Variants in UNC13C observed in about 807,000 individuals in gnomAD.
UNC13C encodes unc-13 homolog C.
Under a neutral mutation model 245.4 loss-of-function variants are expected in UNC13C, and 174 were observed. That is an observed-to-expected ratio of 0.71 (90% confidence interval 0.63 to 0.80). UNC13C has a LOEUF of 0.80. UNC13C is among the 30% of genes least tolerant of loss of function. The pLI is 0.00. For synonymous variants in UNC13C, 992 were observed against 895.1 expected (o/e 1.11, Z -1.93); for missense variants, 2,829 against 2,602.9 (o/e 1.09, Z -1.89).
the UNC13C span, among the ~76,000 whole-genome samples, chr15:53,889,627 T>A: frequency 6.6e-6 from 1 of 152,238 alleles, no homozygotes; most frequent in Non-Finnish European, 1.5e-5. Context: ...CCTTGTCTTG[T>A]GCTGGTTTTC....
chr15:54,090,079 C>A (rs1899480682), intron 2 of UNC13C, among the ~76,000 whole-genome samples: 1 of 152,166 alleles, frequency 6.6e-6, no homozygotes, highest in Non-Finnish European at 1.5e-5. Flanking sequence ...GCTTACATTT[C>A]TTTCTCCGAA....
chr15:53,844,100 G>A, the UNC13C span, among the ~76,000 whole-genome samples: 1 of 152,160 alleles, frequency 6.6e-6, no homozygotes, highest in African/African-American at 2.4e-5. Flanking sequence ...GTGAATCCCA[G>A]AGCATACGTA....
intron 7 of UNC13C, among the ~76,000 whole-genome samples, chr15:54,243,535 C>A (rs2035915565): frequency 6.6e-6 from 1 of 152,066 alleles, no homozygotes; most frequent in Non-Finnish European, 1.5e-5. Flanking sequence ...GGTATTTCTG[C>A]CTCTAGATCT....
At position 54,578,706 on chromosome 15, in the gene UNC13C, A is replaced by AG. The variant is rs556364926; in HGVS notation, c.6106+10762dup. ...AGAACAGCCCTCTAAAGTCAGACAGAGGGCCAGCACCATGGCTCACGCCTG... is the reference window on the plus strand; with the variant it reads ...AGAACAGCCCTCTAAAGTCAGACAGAGGGGCCAGCACCATGGCTCACGCCTG... On this transcript the variant is annotated intron_variant, in intron 30 of 32. Coordinates refer to ENST00000260323, the MANE Select transcript of UNC13C (RefSeq NM_001080534.3). Among the ~76,000 whole-genome samples the AG allele has an allele frequency of 1.5e-4, 23 of 152,326 alleles. No homozygotes were observed. The South Asian group carries it at 4.8e-3, about 32-fold the overall frequency.
At chr15:54,096,062 T>C (rs937377489) in intron 2 of UNC13C, among the ~76,000 whole-genome samples, 11 of 152,154 alleles carry the variant, frequency 7.2e-5, no homozygotes, top group African/African-American at 2.7e-4. Flanking sequence ...ATGGGGGCAA[T>C]ACCAAGGAAG....
At chr15:53,894,950 A>G in the UNC13C span, among the ~76,000 whole-genome samples, 8 of 152,102 alleles carry the variant, frequency 5.3e-5, no homozygotes, top group Admixed American at 3.9e-4. Flanking sequence ...TCCACATAGT[A>G]TTATATTGAT....
At chr15:54,147,806 G>GTGTT (rs2032343024) in intron 4 of UNC13C, among the ~76,000 whole-genome samples, 1 of 151,916 alleles carries the variant, frequency 6.6e-6, no homozygotes, top group African/African-American at 2.4e-5. Flanking sequence ...GTGTGTGTGT[G>GTGTT]TGTGTATGTG....
chr15:54,622,134 G>A (rs917822983), intron 30 of UNC13C, among the ~76,000 whole-genome samples, 193 bp from the exon 31 acceptor site: 1 of 152,164 alleles, frequency 6.6e-6, no homozygotes, highest in Non-Finnish European at 1.5e-5. Flanking sequence ...GTTCAATGGG[G>A]TAATTATTAC....
chr15:54,511,036 C>T (rs1894715115), intron 23 of UNC13C, among the ~76,000 whole-genome samples: 1 of 152,038 alleles, frequency 6.6e-6, no homozygotes, highest in Admixed American at 6.6e-5. Context: ...ATATGTACAC[C>T]ACTGTGCAGT....
At chr15:54,599,970 T>C (rs376644213) in intron 30 of UNC13C, among the ~76,000 whole-genome samples, 1 of 152,130 alleles carries the variant, frequency 6.6e-6, no homozygotes, top group Non-Finnish European at 1.5e-5. Context: ...CTTCTTCTCT[T>C]GCTTTTGTAG....
In UNC13C at chr15:54,422,727, C is replaced by T. The variant is rs541006353; in HGVS notation, c.4933+7660C>T. On this transcript the variant is annotated intron_variant, in intron 19 of 32. Coordinates refer to ENST00000260323, the MANE Select transcript of UNC13C (RefSeq NM_001080534.3). The stretch of plus-strand genomic sequence containing the variant: ...TCAAGTCTCATTTCATGGTCACCTT[C>T]GTTCACAACCCTACCCTGACCATCC... Among the ~76,000 whole-genome samples, 12 of 151,904 alleles carry T rather than the reference C, an allele frequency of 7.9e-5. No individual in the cohort carries two copies. In the East Asian group the frequency reaches 2.3e-3, roughly 30 times the overall value.
At chr15:54,190,269 AT>A in intron 4 of UNC13C, among the ~76,000 whole-genome samples, 1 of 151,842 alleles carries the variant, frequency 6.6e-6, no homozygotes, top group African/African-American at 2.4e-5. Flanking sequence ...TTCTTTTTTT[AT>A]TTTTTTTGCT....
intron 2 of UNC13C, among the ~76,000 whole-genome samples, chr15:54,108,807 G>A (rs968608215): frequency 1.3e-5 from 2 of 152,128 alleles, no homozygotes; most frequent in Non-Finnish European, 1.5e-5. Flanking sequence ...CTCTCTCTTG[G>A]TTGATTTCAT....
chr15:54,138,922 T>C (rs2031868679), intron 2 of UNC13C, among the ~76,000 whole-genome samples: 1 of 147,918 alleles, frequency 6.8e-6, no homozygotes, highest in South Asian at 2.2e-4. Flanking sequence ...TTGATATTAT[T>C]GTGTGTGCAT....
At chr15:54,322,716 C>A (rs1480558287) in intron 14 of UNC13C, among the ~76,000 whole-genome samples, 1 of 151,960 alleles carries the variant, frequency 6.6e-6, no homozygotes, top group East Asian at 1.9e-4. Context: ...TCTTTCTCTG[C>A]AAGTATACTG....
intron 2 of UNC13C, among the ~76,000 whole-genome samples, chr15:54,084,799 A>G (rs2141124296): frequency 1.3e-5 from 2 of 152,350 alleles, no homozygotes; most frequent in South Asian, 4.1e-4. Context: ...CATATAGATG[A>G]GATCCTAATG....
chr15:54,588,608 G>A (rs377059418), intron 30 of UNC13C, among the ~76,000 whole-genome samples: 36 of 151,978 alleles, frequency 2.4e-4, no homozygotes, highest in African/African-American at 7.7e-4. Context: ...TATACACTGC[G>A]CCATATTTCT....
At position 54,176,954 on chromosome 15, in the gene UNC13C, G is replaced by A. The variant is rs147616648; in HGVS notation, c.3071+33270G>A. ...AATATTCTTTATCATGGGAACACCAGTAGCATTGAGATTGATGTTATCAAA... is the reference window on the plus strand; with the variant it reads ...AATATTCTTTATCATGGGAACACCAATAGCATTGAGATTGATGTTATCAAA... On this transcript the variant is annotated intron_variant, in intron 4 of 32. Coordinates refer to ENST00000260323, the MANE Select transcript of UNC13C (RefSeq NM_001080534.3). 4.6e-3 allele frequency among the ~76,000 whole-genome samples: 699 copies of A among 152,160 alleles called. 8 individuals are homozygous for A. The highest frequency in any genetic ancestry group is 0.016 in the African/African-American group (670 of 41,520).
At chr15:54,044,229 T>C (rs545803528) in intron 2 of UNC13C, among the ~76,000 whole-genome samples, 5 of 152,346 alleles carry the variant, frequency 3.3e-5, no homozygotes, top group African/African-American at 1.2e-4. Context: ...TCAAGGTTTC[T>C]CTATGTTGTA....
Sources: allele counts gnomAD v4.1 joint callset (sites outside exome capture counted in the v4.1 genomes callset), GRCh38; gene constraint gnomAD v4.1.1; transcripts MANE v1.5; gene names NCBI Gene and HGNC (gene_info 2026-07-23, HGNC 2026-07-21).